The following TSNARE1 variants were observed in gnomAD, a reference collection of about 807,000 sequenced individuals.
The protein encoded by TSNARE1 is t-SNARE domain containing 1.
TSNARE1 carries 49 observed loss-of-function variants against 62.0 expected under a neutral mutation model. The observed-to-expected ratio is 0.79, with a 90% CI of 0.63 to 1.00. TSNARE1 has a LOEUF of 1.00. Ranked by LOEUF, TSNARE1 falls within the 50% of genes least tolerant of loss-of-function variation. The pLI, the probability that TSNARE1 is intolerant of heterozygous loss-of-function variation, is 0.00. For missense variants in TSNARE1, 755 were observed against 700.1 expected (o/e 1.08, Z -0.88); for synonymous variants, 328 against 294.4 (o/e 1.11, Z -1.17).
intron 2 of TSNARE1, 67 bp downstream of exon 2, chr8:142,354,570 G>A: frequency 8.7e-7 from 1 of 1,146,832 alleles, no homozygotes; most frequent in Non-Finnish European, 1.3e-6. Flanking sequence ...GCATGACACA[G>A]TGAGGATCCT....
intron 1 of TSNARE1, among the ~76,000 whole-genome samples, chr8:142,396,070 C>T (rs1837873907): frequency 6.6e-6 from 1 of 152,048 alleles, no homozygotes; most frequent in South Asian, 2.1e-4. Flanking sequence ...TCTGACAGGA[C>T]CCTTGATGAC....
chr8:142,213,319 C>G (rs1815667222), intron 13 of TSNARE1, among the ~76,000 whole-genome samples: 1 of 145,106 alleles, frequency 6.9e-6, no homozygotes, highest in South Asian at 2.3e-4. Context: ...GCCCCTCCTC[C>G]AGCCCCTCTC....
intron 1 of TSNARE1, among the ~76,000 whole-genome samples, chr8:142,385,728 G>A (rs1398158972): frequency 6.6e-6 from 1 of 152,190 alleles, no homozygotes; most frequent in Non-Finnish European, 1.5e-5. Context: ...GGTGATGGGA[G>A]GAAGAAAACA....
At chr8:142,388,471 T>G (rs1324350731) in intron 1 of TSNARE1, among the ~76,000 whole-genome samples, 1 of 129,780 alleles carries the variant, frequency 7.7e-6, no homozygotes, top group Non-Finnish European at 1.6e-5. Context: ...TTCACATGAA[T>G]GGATACCTTG....
rs547231485 is a variant in TSNARE1, at chr8:142,381,090, C to T, written c.-40+22014G>A. 1.1e-4 allele frequency among the ~76,000 whole-genome samples: 17 copies of T among 152,366 alleles called. No homozygotes were observed. The South Asian group carries it at 2.3e-3, about 20-fold the overall frequency. On this transcript the variant is annotated intron_variant, in intron 1 of 13. Transcript: ENST00000524325. ...CCAGGCCTCAGCAGCCAATCAGGGCCGTCAGGGCCTTGCCCTGGCCCAACT... is the reference window on the plus strand; with the variant it reads ...CCAGGCCTCAGCAGCCAATCAGGGCTGTCAGGGCCTTGCCCTGGCCCAACT...
intron 8 of TSNARE1, 78 bp downstream of exon 8, chr8:142,314,925 C>G: frequency 1.4e-6 from 2 of 1,380,156 alleles, no homozygotes; most frequent in Non-Finnish European, 2.1e-6. Flanking sequence ...AGGGACAAGA[C>G]AGCCATGACA....
chr8:142,353,323 T>G (rs1402693680), intron 2 of TSNARE1, among the ~76,000 whole-genome samples: 2 of 152,164 alleles, frequency 1.3e-5, no homozygotes, highest in East Asian at 3.9e-4. Flanking sequence ...CTCTGCCTCC[T>G]GCCCAACTCC....
chr8:142,222,391 T>C (rs1299640819), intron 13 of TSNARE1, among the ~76,000 whole-genome samples: 2 of 134,092 alleles, frequency 1.5e-5, no homozygotes, highest in Non-Finnish European at 3.2e-5. Flanking sequence ...CACTCAGTCA[T>C]CCACTCACTC....
chr8:142,308,467 C>T (rs1827048652), intron 9 of TSNARE1, among the ~76,000 whole-genome samples: 1 of 152,174 alleles, frequency 6.6e-6, no homozygotes, highest in Non-Finnish European at 1.5e-5. Flanking sequence ...GAATCACCCA[C>T]CTCCCGTGGC....
At chr8:142,270,020 G>T in intron 12 of TSNARE1, 1 of 985,450 alleles carries the variant, frequency 1.0e-6, no homozygotes, top group Non-Finnish European at 1.2e-6. Context: ...GGACCAGCAT[G>T]CCTCCCACTC....
At chr8:142,338,548 T>C (rs1363314373) in intron 4 of TSNARE1, among the ~76,000 whole-genome samples, 3 of 151,540 alleles carry the variant, frequency 2.0e-5, no homozygotes, top group Non-Finnish European at 4.4e-5. Context: ...CCTGGACCAC[T>C]GGGCAAGCTG....
In TSNARE1 at chr8:142,236,625, T is replaced by C. The variant is rs1269517864; in HGVS notation, c.1447-7046A>G. On this transcript the variant is annotated intron_variant, in intron 12 of 13. Coordinates refer to ENST00000524325, the MANE Select transcript of TSNARE1 (RefSeq NM_145003.5). ...TTAATTAATTAAAAAAATTCAGAAATCCCCAAAGACACCAGGCTCCCCTAG... is the reference window on the plus strand; with the variant it reads ...TTAATTAATTAAAAAAATTCAGAAACCCCCAAAGACACCAGGCTCCCCTAG... Among the ~76,000 whole-genome samples, 7 of 150,940 alleles carry C rather than the reference T, an allele frequency of 4.6e-5. No individual in the cohort carries two copies. In the East Asian group the frequency reaches 1.4e-3, roughly 30 times the overall value.
intron 12 of TSNARE1, chr8:142,269,978 C>T (rs1356634069): frequency 4.1e-6 from 4 of 985,336 alleles, no homozygotes; most frequent in African/African-American, 1.7e-5. Flanking sequence ...TTTTGACTCT[C>T]GGCTGTGCCA....
rs567863824 is a variant in TSNARE1, at chr8:142,366,280, C to T, written c.-39-11517G>A. ...CTCGATCTCCTGACCTCATGATCTG[C>T]CTGTCTCGGCCTCCCAATCTGATTG... On this transcript the variant is annotated intron_variant, in intron 1 of 13. Transcript: ENST00000524325. Among the ~76,000 whole-genome samples the T allele has an allele frequency of 2.6e-5, 4 of 152,194 alleles. No homozygotes were observed. The South Asian group carries it at 8.3e-4, about 32-fold the overall frequency.
chr8:142,256,321 ATCACCATCTTTG>A (rs1818555026), intron 12 of TSNARE1, among the ~76,000 whole-genome samples: 2 of 144,826 alleles, frequency 1.4e-5, no homozygotes, highest in African/African-American at 2.6e-5. Context: ...CATCACCACC[ATCACCATCTTTG>A]CCACCATCAT....
At chr8:142,305,900 C>T (rs1826589608) in intron 9 of TSNARE1, among the ~76,000 whole-genome samples, 1 of 152,178 alleles carries the variant, frequency 6.6e-6, no homozygotes, top group African/African-American at 2.4e-5. Flanking sequence ...AGACAGGGCA[C>T]ACACGGTTTC....
At chr8:142,335,966 C>G (rs1339318107) in intron 4 of TSNARE1, among the ~76,000 whole-genome samples, 1 of 152,146 alleles carries the variant, frequency 6.6e-6, no homozygotes, top group Non-Finnish European at 1.5e-5. Context: ...CACCAAAAAG[C>G]AGAGCTTCTC....
rs1232064710 is a variant in TSNARE1, at chr8:142,219,753, A to T, written c.*12-7440T>A. The stretch of plus-strand genomic sequence containing the variant: ...ATGACCCTGAGCCCTGCCTATGAGG[A>T]TGGCTCTGCCCTTCCCCCCTGCCCC... On this transcript the variant is annotated intron_variant, in intron 13 of 13. Transcript: ENST00000524325. 3.9e-5 allele frequency among the ~76,000 whole-genome samples: 6 copies of T among 152,268 alleles called. No homozygotes were observed. In the East Asian group the frequency reaches 1.2e-3, roughly 29 times the overall value.
chr8:142,241,056 T>C (rs551573854), intron 12 of TSNARE1, among the ~76,000 whole-genome samples: 17 of 152,220 alleles, frequency 1.1e-4, no homozygotes, highest in African/African-American at 3.9e-4. Context: ...GGCATCCAAA[T>C]TGGAAAGGAA....
Sources: allele counts gnomAD v4.1 joint callset (sites outside exome capture counted in the v4.1 genomes callset), GRCh38; gene constraint gnomAD v4.1.1; transcripts MANE v1.5; gene names NCBI Gene and HGNC (gene_info 2026-07-23, HGNC 2026-07-21).